FRMD3: variants seen among roughly 807,000 people sequenced by gnomAD.
The protein encoded by FRMD3 is FERM domain containing 3, also known as FERM domain-containing protein 3.
A neutral mutation model predicts 70.2 loss-of-function variants in FRMD3; 33 were observed. The ratio of observed to expected loss-of-function variants is 0.47; its 90% CI spans 0.36 to 0.63. The LOEUF (loss-of-function observed/expected upper bound fraction) is 0.63. Ranked by LOEUF, FRMD3 falls within the 20% of genes least tolerant of loss-of-function variation. The pLI, the probability that FRMD3 is intolerant of heterozygous loss-of-function variation, is 0.00. For synonymous variants in FRMD3, 279 were observed against 255.9 expected, an observed-to-expected ratio of 1.09 and a Z score of -0.86; for missense variants, 632 against 711.4, an observed-to-expected ratio of 0.89 and a Z score of 1.27.
Position 83,246,377 on chromosome 9 carries a change from AC to A in FRMD3, c.*1540del. 1 of 984,590 alleles carries A rather than the reference AC, an allele frequency of 1.0e-6. No individual in the cohort carries two copies. The highest frequency in any genetic ancestry group is 1.2e-6 in the Non-Finnish European group (1 of 829,292). 61.0% of individuals were successfully genotyped at this position (984,590 alleles called of 1,614,324 possible). On this transcript the variant is annotated 3_prime_UTR_variant, in exon 14 of 14. Coordinates refer to ENST00000304195, the MANE Select transcript of FRMD3 (RefSeq NM_174938.6). ...GTTGCTGATGGTACAATGCTCTAGT[AC>A]CTTCCTTGATACCATTAAATTGTTG...
rs1829927445 is a variant in FRMD3 at position 83,537,681 on chromosome 9, C to T, written c.147+404G>A. ...ACCCAGCTGATGCATGCCTTCTCCA[C>T]GTGGAAGAAGGGAGGAAATACCAGT... On this transcript the variant is annotated intron_variant, in intron 1 of 13. Coordinates refer to ENST00000304195, the MANE Select transcript of FRMD3 (RefSeq NM_174938.6). This position sits in a 1 kb window ranked among gnomAD's most constrained non-coding sequence, Gnocchi z 4.1. Among the ~76,000 whole-genome samples, 1 of 152,156 alleles carries T rather than the reference C, an allele frequency of 6.6e-6. No homozygotes were observed. Among genetic ancestry groups the T allele is most frequent in the East Asian group, 1.9e-4 (1 of 5,162 alleles).
In FRMD3 at chr9:83,246,374, A is replaced by G; in HGVS notation, c.*1544T>C. ...TACGTTGCTGATGGTACAATGCTCTAGTACCTTCCTTGATACCATTAAATT... is the reference window on the plus strand; with the variant it reads ...TACGTTGCTGATGGTACAATGCTCTGGTACCTTCCTTGATACCATTAAATT... On this transcript the variant is annotated 3_prime_UTR_variant, in exon 14 of 14. Coordinates refer to ENST00000304195, the MANE Select transcript of FRMD3 (RefSeq NM_174938.6). The G allele has an allele frequency of 3.1e-6, 3 of 983,398 alleles. No homozygotes were observed. Among genetic ancestry groups the G allele is most frequent in the Non-Finnish European group, 3.6e-6 (3 of 828,178 alleles). 60.9% of individuals were successfully genotyped at this position (983,398 alleles called of 1,614,324 possible). A position where few individuals can be genotyped will look rare whatever the true frequency, so the allele number is the denominator to read the frequency against.
chr9:83,569,383 T>C, the FRMD3 span, among the ~76,000 whole-genome samples: 2 of 152,166 alleles, frequency 1.3e-5, no homozygotes, highest in Non-Finnish European at 2.9e-5. Context: ...ATAAATAGAC[T>C]CTCCCCAACC....
At chr9:83,524,170 TC>T (rs1470856131) in intron 1 of FRMD3, among the ~76,000 whole-genome samples, 1 of 152,240 alleles carries the variant, frequency 6.6e-6, no homozygotes, top group Non-Finnish European at 1.5e-5. Context: ...TCAGAGTCAA[TC>T]TCAAAACTAC....
At position 83,538,343 on chromosome 9, in the gene FRMD3, CG is replaced by C. The variant is rs1303962608; in HGVS notation, c.-113del. 11 of 1,020,474 alleles carry C rather than the reference CG, an allele frequency of 1.1e-5. No individual in the cohort carries two copies. In the Admixed American group the frequency reaches 1.3e-4, roughly 12 times the overall value. The allele number at this position is 1,020,474 out of a possible 1,614,324, so 63.2% of individuals were successfully genotyped here. ...GGGACACCTGGGCGCGGCTCAGCCC[CG>C]GGACATCGGCAGCGTCGGGCGCCTG... On this transcript the variant is annotated 5_prime_UTR_variant, in exon 1 of 14. It removes the in-frame stop codon of an upstream open reading frame in the 5' UTR. Transcript: ENST00000304195. The surrounding 1 kb of genome is among the most constrained non-coding windows in gnomAD (Gnocchi z 4.7).
chr9:83,564,274 C>T, the FRMD3 span, among the ~76,000 whole-genome samples: 1 of 152,190 alleles, frequency 6.6e-6, no homozygotes, highest in African/African-American at 2.4e-5. Context: ...ACACCTCCAA[C>T]TATCTCCACT....
chr9:83,381,556 AAAAG>A (rs1474047104), intron 2 of FRMD3, among the ~76,000 whole-genome samples: 1 of 150,208 alleles, frequency 6.7e-6, no homozygotes, highest in Non-Finnish European at 1.5e-5. Flanking sequence ...AAAAAAAAAG[AAAAG>A]AAAGAAAGAA....
At position 83,358,672 on chromosome 9, in the gene FRMD3, GTATTTATTTATTTATT is replaced by G. The variant is rs34830442; in HGVS notation, c.296-8931_296-8916del. On this transcript the variant is annotated intron_variant, in intron 3 of 13. Coordinates refer to ENST00000304195, the MANE Select transcript of FRMD3 (RefSeq NM_174938.6). ...CCTCCTTGGTTAGGTATATTCTTAA[GTATTTATTTATTTATT>G]TATTTATTTATTTATTTATTTATTT... Among the ~76,000 whole-genome samples the G allele has an allele frequency of 1.7e-4, 25 of 143,020 alleles. No homozygotes were observed. In the East Asian group the frequency reaches 3.1e-3, roughly 18 times the overall value. The allele number at this position is 143,020 out of a possible 152,430, so 93.8% of individuals were successfully genotyped here.
the FRMD3 span, among the ~76,000 whole-genome samples, chr9:83,548,896 T>G: frequency 1.1e-4 from 16 of 152,164 alleles, no homozygotes; most frequent in Non-Finnish European, 1.6e-4. Flanking sequence ...TAAAAAATAG[T>G]CTATTGTCTG....
At chr9:83,364,311 C>A (rs1178028438) in intron 3 of FRMD3, among the ~76,000 whole-genome samples, 1 of 152,240 alleles carries the variant, frequency 6.6e-6, no homozygotes, top group African/African-American at 2.4e-5. Context: ...GTAATCCCAG[C>A]ACTCTGGGAG....
chr9:83,382,694 C>T (rs1321712550), intron 2 of FRMD3, among the ~76,000 whole-genome samples: 1 of 152,080 alleles, frequency 6.6e-6, no homozygotes, highest in Non-Finnish European at 1.5e-5. Flanking sequence ...TGAGTCTATA[C>T]CTATCCTTGC....
chr9:83,358,843 T>C (rs1156949775), intron 3 of FRMD3, among the ~76,000 whole-genome samples: 1 of 152,152 alleles, frequency 6.6e-6, no homozygotes, highest in African/African-American at 2.4e-5. Context: ...TCAATAATGA[T>C]ATGGTTCGAA....
intron 13 of FRMD3, among the ~76,000 whole-genome samples, chr9:83,265,128 C>T (rs537136191): frequency 5.3e-5 from 8 of 152,106 alleles, no homozygotes; most frequent in Non-Finnish European, 8.8e-5. Flanking sequence ...CGGCCAGGTG[C>T]GGTGGCTCAT....
At chr9:83,431,822 A>G (rs575439906) in intron 1 of FRMD3, among the ~76,000 whole-genome samples, 15 of 152,254 alleles carry the variant, frequency 9.9e-5, no homozygotes, top group Admixed American at 3.3e-4. Context: ...CCTGAGTTCT[A>G]GGTGGAAGTT....
At chr9:83,263,183 T>C (rs1833066824) in intron 13 of FRMD3, among the ~76,000 whole-genome samples, 1 of 152,206 alleles carries the variant, frequency 6.6e-6, no homozygotes, top group Non-Finnish European at 1.5e-5. Context: ...AAGAGTGATG[T>C]AGAGATAAAA....
chr9:83,317,705 T>G (rs891007529), intron 6 of FRMD3, among the ~76,000 whole-genome samples: 2 of 152,204 alleles, frequency 1.3e-5, no homozygotes, highest in Non-Finnish European at 2.9e-5. Flanking sequence ...CACTTCCTTG[T>G]CCTTCCTAAA....
At chr9:83,449,335 C>T (rs1042185332) in intron 1 of FRMD3, among the ~76,000 whole-genome samples, 4 of 152,134 alleles carry the variant, frequency 2.6e-5, no homozygotes, top group East Asian at 1.9e-4. Flanking sequence ...CCACTGCCTC[C>T]GGGAAGACAG....
chr9:83,250,186 C>G (rs576096117), intron 13 of FRMD3, among the ~76,000 whole-genome samples: 1 of 152,262 alleles, frequency 6.6e-6, no homozygotes, highest in African/African-American at 2.4e-5. Flanking sequence ...GGAAGATGCA[C>G]AGAAGCAAAG....
At chr9:83,568,801 G>A in the FRMD3 span, among the ~76,000 whole-genome samples, 2 of 152,152 alleles carry the variant, frequency 1.3e-5, no homozygotes, top group Non-Finnish European at 2.9e-5. Context: ...TGTAAAAAAT[G>A]ATAGGTAAGT....
Sources: allele counts gnomAD v4.1 joint callset (sites outside exome capture counted in the v4.1 genomes callset), GRCh38; gene constraint gnomAD v4.1.1; non-coding constraint Gnocchi (gnomAD v3.1); transcripts MANE v1.5; gene names NCBI Gene and HGNC (gene_info 2026-07-23, HGNC 2026-07-21).